PTPRK: variants seen among roughly 807,000 people sequenced by gnomAD.
PTPRK encodes the protein protein tyrosine phosphatase receptor type K.
PTPRK carries 75 observed loss-of-function variants against 178.0 expected under a neutral mutation model. The observed-to-expected ratio is 0.42, with a 90% CI of 0.35 to 0.51. The LOEUF (loss-of-function observed/expected upper bound fraction) is 0.51, where lower values mean the gene tolerates loss of function less well. Among genes scored for constraint, PTPRK ranks in the 20% least tolerant of loss-of-function variants. The probability of loss-of-function intolerance (pLI) is 0.02; values close to 1 mark genes in which losing one functional copy is unlikely to be tolerated. For missense variants in PTPRK, 1,441 were observed against 1,797.8 expected (o/e 0.80, Z 3.59); for synonymous variants, 637 against 620.6 (o/e 1.03, Z -0.39).
At chr6:128,430,470 G>A (rs890586591) in intron 1 of PTPRK, among the ~76,000 whole-genome samples, 1 of 152,116 alleles carries the variant, frequency 6.6e-6, no homozygotes, top group African/African-American at 2.4e-5. Context: ...TTTATCAAGT[G>A]TTCATTCTAT....
intron 3 of PTPRK, among the ~76,000 whole-genome samples, chr6:128,298,019 T>C (rs1045213164): frequency 7.9e-5 from 12 of 151,932 alleles, no homozygotes; most frequent in African/African-American, 2.7e-4. Flanking sequence ...ATCATATAGA[T>C]GCAATAAAAA....
chr6:128,403,540 T>G (rs1562450713), intron 1 of PTPRK, among the ~76,000 whole-genome samples: 2 of 152,126 alleles, frequency 1.3e-5, no homozygotes. Flanking sequence ...GTGTTAGGAT[T>G]AGTCATAATG....
At chr6:128,458,849 TCTC>T (rs1482579967) in intron 1 of PTPRK, among the ~76,000 whole-genome samples, 1 of 152,140 alleles carries the variant, frequency 6.6e-6, no homozygotes, top group Non-Finnish European at 1.5e-5. Context: ...ATTATGCTCT[TCTC>T]CTTACACTCA....
At chr6:128,143,486 T>C (rs148313589) in intron 7 of PTPRK, among the ~76,000 whole-genome samples, 1 of 152,270 alleles carries the variant, frequency 6.6e-6, no homozygotes, top group Non-Finnish European at 1.5e-5. Flanking sequence ...AAATGAGGCT[T>C]TCTATTAGTG....
At chr6:127,973,378 G>A (rs1774163155) in intron 28 of PTPRK, among the ~76,000 whole-genome samples, 1 of 152,194 alleles carries the variant, frequency 6.6e-6, no homozygotes, top group Admixed American at 6.5e-5. Context: ...ATAGATTGCT[G>A]CAATCTAGAC....
intron 3 of PTPRK, among the ~76,000 whole-genome samples, chr6:128,317,442 G>GA (rs879663892): frequency 0.016 from 2,316 of 142,476 alleles, 52 homozygotes; most frequent in African/African-American, 0.051. Flanking sequence ...CAAATAGATT[G>GA]AAAAAAAAAA....
At chr6:128,386,004 T>C (rs2128360116) in intron 2 of PTPRK, among the ~76,000 whole-genome samples, 1 of 152,310 alleles carries the variant, frequency 6.6e-6, no homozygotes, top group Middle Eastern at 3.4e-3. Flanking sequence ...GCATTATTTG[T>C]TTGGGAGATT....
At chr6:128,375,443 T>C (rs974061123) in intron 2 of PTPRK, among the ~76,000 whole-genome samples, 1 of 152,062 alleles carries the variant, frequency 6.6e-6, no homozygotes, top group African/African-American at 2.4e-5. Flanking sequence ...GACCCATTCA[T>C]TATCACGAGA....
At position 128,009,305 on chromosome 6, in the gene PTPRK, A is replaced by G. The variant is rs761062928; in HGVS notation, c.2195-37T>C. 39 of 1,584,974 alleles carry G rather than the reference A, an allele frequency of 2.5e-5. 1 individual carries two copies. In the Admixed American group the frequency reaches 6.9e-4, roughly 28 times the overall value. ...AAAAAAAAAATCAGTTACTGAAAGAAGCTAATAATCACAGAAAAAAATTAT... is the reference window on the plus strand; with the variant it reads ...AAAAAAAAAATCAGTTACTGAAAGAGGCTAATAATCACAGAAAAAAATTAT... On this transcript the variant is annotated intron_variant, in intron 13 of 29. Coordinates refer to ENST00000368226, the MANE Select transcript of PTPRK (RefSeq NM_002844.4).
At chr6:128,490,229 G>C (rs1853572836) in intron 1 of PTPRK, among the ~76,000 whole-genome samples, 1 of 152,056 alleles carries the variant, frequency 6.6e-6, no homozygotes, top group Non-Finnish European at 1.5e-5. Flanking sequence ...TAAAACTGGG[G>C]AAAAAAATGA....
intron 2 of PTPRK, among the ~76,000 whole-genome samples, chr6:128,365,762 A>G (rs1367648054): frequency 6.6e-6 from 1 of 152,130 alleles, no homozygotes; most frequent in African/African-American, 2.4e-5. Flanking sequence ...TTCCAAGCCA[A>G]TGATCTTATG....
intron 11 of PTPRK, among the ~76,000 whole-genome samples, chr6:128,068,713 T>C (rs1372356638): frequency 1.3e-5 from 2 of 151,140 alleles, no homozygotes; most frequent in Non-Finnish European, 2.9e-5. Context: ...AATATTACCA[T>C]GAAAGTTGAC....
chr6:128,077,773 A>C (rs989295488), intron 11 of PTPRK, among the ~76,000 whole-genome samples: 2 of 152,026 alleles, frequency 1.3e-5, no homozygotes, highest in Non-Finnish European at 2.9e-5. Flanking sequence ...ACAAATGTGC[A>C]GAAATTAAAA....
chr6:128,312,059 T>C (rs994491330), intron 3 of PTPRK, among the ~76,000 whole-genome samples: 4 of 152,298 alleles, frequency 2.6e-5, no homozygotes, highest in Admixed American at 2.6e-4. Flanking sequence ...AGAAATATGA[T>C]TTCACATAAA....
At chr6:128,188,736 T>A (rs891496864) in intron 6 of PTPRK, among the ~76,000 whole-genome samples, 3 of 152,214 alleles carry the variant, frequency 2.0e-5, no homozygotes, top group Non-Finnish European at 4.4e-5. Flanking sequence ...AGGCCGTACT[T>A]CCTATAAAGG....
At position 128,520,343 on chromosome 6, in the gene PTPRK, C is replaced by G; in HGVS notation, c.16G>C (p.Ala6Pro). The change falls in exon 1 of 30, where the codon GCG becomes CCG. Residue 6 changes from alanine (A) to proline (P), a missense_variant. Ala to Pro is a conservative substitution (Grantham distance 27). Transcript: ENST00000368226. Reference protein sequence around the residue: MDTTAAAALPAFVALL... With the variant: MDTTAPAALPAFVALL... ...GCCACAAAAGCAGGCAGCGCCGCCG[C>G]CGCAGTCGTATCCATGCCGAGTTTG... 6.2e-7 allele frequency: 1 copy of G among 1,608,910 alleles called. No individual in the cohort carries two copies. The highest frequency in any genetic ancestry group is 8.5e-7 in the Non-Finnish European group (1 of 1,177,474).
At chr6:128,477,725 T>A (rs1374413597) in intron 1 of PTPRK, among the ~76,000 whole-genome samples, 4 of 152,168 alleles carry the variant, frequency 2.6e-5, no homozygotes, top group Admixed American at 2.6e-4. Context: ...GTAGCTGATA[T>A]TTGTGATTAA....
At chr6:128,049,294 C>G (rs538621994) in intron 13 of PTPRK, among the ~76,000 whole-genome samples, 51 of 152,240 alleles carry the variant, frequency 3.3e-4, no homozygotes, top group African/African-American at 1.2e-3. Flanking sequence ...AAATTAGATA[C>G]AACCAAAGTA....
intron 2 of PTPRK, among the ~76,000 whole-genome samples, chr6:128,326,962 T>C (rs936389819): frequency 2.0e-5 from 3 of 152,066 alleles, no homozygotes; most frequent in African/African-American, 7.2e-5. Context: ...TTTGTATTTA[T>C]AGGATACAAA....
Sources: allele counts gnomAD v4.1 joint callset (sites outside exome capture counted in the v4.1 genomes callset), GRCh38; gene constraint gnomAD v4.1.1; transcripts MANE v1.5; gene names NCBI Gene and HGNC (gene_info 2026-07-23, HGNC 2026-07-21).